The following EYS variants were observed in gnomAD, a reference collection of about 807,000 sequenced individuals.
EYS encodes EGF-like photoreceptor maintenance factor.
EYS carries 250 observed loss-of-function variants against 282.1 expected under a neutral mutation model. The observed-to-expected ratio is 0.89, with a 90% CI of 0.80 to 0.98. EYS has a LOEUF of 0.98. Among genes scored for constraint, EYS ranks in the 50% least tolerant of loss-of-function variants. The probability of loss-of-function intolerance (pLI) is 0.00; values close to 1 mark genes in which losing one functional copy is unlikely to be tolerated. For missense variants in EYS, 4,016 were observed against 3,709.0 expected (o/e 1.08, Z -2.15); for synonymous variants, 1,355 against 1,282.9 (o/e 1.06, Z -1.20).
intron 2 of EYS, among the ~76,000 whole-genome samples, chr6:65,587,248 G>A (rs190390195): frequency 1.3e-4 from 20 of 152,106 alleles, no homozygotes; most frequent in Non-Finnish European, 2.2e-4. Flanking sequence ...GATAGCCGAA[G>A]AGAACTAACA....
Position 64,712,457 on chromosome 6 carries a change from G to T in EYS, c.3444-86212C>A, listed in dbSNP as rs1462471006. On this transcript the variant is annotated intron_variant, in intron 22 of 42. Coordinates refer to ENST00000503581, the MANE Select transcript of EYS (RefSeq NM_001142800.2). ...TAAAGGACGAGGAAGCTGGAGGAAGGAAGTTGGGGGATTATGGAAACTTTA... is the reference window on the plus strand; with the variant it reads ...TAAAGGACGAGGAAGCTGGAGGAAGTAAGTTGGGGGATTATGGAAACTTTA... 6.6e-5 allele frequency among the ~76,000 whole-genome samples: 10 copies of T among 152,190 alleles called. 1 individual carries two copies. Among genetic ancestry groups the T allele is most frequent in the Admixed American group, 6.5e-4 (10 of 15,276 alleles).
At chr6:65,637,755 C>T (rs1161176835) in intron 2 of EYS, among the ~76,000 whole-genome samples, 1 of 152,162 alleles carries the variant, frequency 6.6e-6, no homozygotes, top group Non-Finnish European at 1.5e-5. Context: ...GACACACCAG[C>T]TCCCTGCTGC....
At chr6:64,995,115 A>G (rs910495164) in intron 14 of EYS, among the ~76,000 whole-genome samples, 1 of 152,056 alleles carries the variant, frequency 6.6e-6, no homozygotes, top group Admixed American at 6.6e-5. Context: ...TGGCCCCTGC[A>G]GGAGCTGGAG....
intron 37 of EYS, 142 bp from the exon 38 acceptor site, chr6:63,789,366 A>G (rs1770450849): frequency 1.4e-5 from 11 of 778,722 alleles, no homozygotes; most frequent in Non-Finnish European, 2.0e-5. Context: ...GCATTTAGGT[A>G]TATGTGCAAC....
At chr6:64,648,760 G>A (rs568113429) in intron 22 of EYS, among the ~76,000 whole-genome samples, 8 of 152,150 alleles carry the variant, frequency 5.3e-5, no homozygotes, top group Non-Finnish European at 8.8e-5. Context: ...AATGGATTCT[G>A]GAGGGGGAAA....
intron 36 of EYS, among the ~76,000 whole-genome samples, chr6:63,823,117 C>A (rs1771366968): frequency 6.6e-6 from 1 of 152,092 alleles, no homozygotes; most frequent in South Asian, 2.1e-4. Flanking sequence ...ATTCTTAGAA[C>A]ATTCCTAACT....
chr6:64,145,900 C>T (rs1405299701), intron 31 of EYS, among the ~76,000 whole-genome samples: 1 of 152,122 alleles, frequency 6.6e-6, no homozygotes, highest in Non-Finnish European at 1.5e-5. Context: ...AGCTTCAGGG[C>T]TCCTAATTTA....
chr6:65,242,264 A>C (rs370091480), intron 12 of EYS, among the ~76,000 whole-genome samples: 4 of 152,196 alleles, frequency 2.6e-5, no homozygotes, highest in East Asian at 3.9e-4. Flanking sequence ...TAACCAGGAA[A>C]AGAATCTATT....
At chr6:64,434,509 T>C (rs1008873593) in intron 28 of EYS, among the ~76,000 whole-genome samples, 2 of 152,200 alleles carry the variant, frequency 1.3e-5, no homozygotes, top group African/African-American at 4.8e-5. Context: ...CATTTATAAC[T>C]CTTATCTTTA....
In EYS at chr6:63,882,069, C is replaced by T. The variant is rs138316999; in HGVS notation, c.7056-17711G>A. Among the ~76,000 whole-genome samples the T allele has an allele frequency of 2.0e-3, 305 of 152,296 alleles. 1 individual carries two copies. The highest frequency in any genetic ancestry group is 6.7e-3 in the African/African-American group (280 of 41,558). ...TAGAACTTTTAATTGAAAAAACCTG[C>T]AGCTACTTTCAACCTCTAATATCTA... On this transcript the variant is annotated intron_variant, in intron 35 of 42. Transcript: ENST00000503581.
At chr6:63,750,722 T>C (rs58247688) in intron 41 of EYS, among the ~76,000 whole-genome samples, 12,422 of 152,288 alleles carry the variant, frequency 0.082, 568 homozygotes, top group East Asian at 0.16. Context: ...GGAACAAATG[T>C]GTGTGACAAA....
At chr6:63,755,107 T>C (rs904364908) in intron 41 of EYS, among the ~76,000 whole-genome samples, 37 of 152,304 alleles carry the variant, frequency 2.4e-4, no homozygotes, top group Admixed American at 7.9e-4. Context: ...TTCAGATGGA[T>C]AGATTGACAA....
chr6:65,671,617 G>A (rs954197806), intron 1 of EYS, among the ~76,000 whole-genome samples: 1 of 151,874 alleles, frequency 6.6e-6, no homozygotes, highest in Non-Finnish European at 1.5e-5. Flanking sequence ...CCTCTGAAAG[G>A]GACACCAACT....
chr6:64,841,096 A>G (rs1765551065), intron 19 of EYS, among the ~76,000 whole-genome samples: 1 of 152,152 alleles, frequency 6.6e-6, no homozygotes, highest in South Asian at 2.1e-4. Flanking sequence ...CCAAAGATAC[A>G]TGTTTTATGT....
At chr6:64,838,845 T>C (rs1765472237) in intron 19 of EYS, among the ~76,000 whole-genome samples, 1 of 151,986 alleles carries the variant, frequency 6.6e-6, no homozygotes, top group Non-Finnish European at 1.5e-5. Flanking sequence ...CCTGACTTGG[T>C]TAGTGTTGAC....
chr6:65,624,956 A>C (rs1766644745), intron 2 of EYS, among the ~76,000 whole-genome samples: 1 of 151,454 alleles, frequency 6.6e-6, no homozygotes. Context: ...TCCTTAATAA[A>C]CTCCCCTTTA....
chr6:65,248,087 G>GT, intron 12 of EYS, among the ~76,000 whole-genome samples: 2 of 151,704 alleles, frequency 1.3e-5, no homozygotes, highest in South Asian at 2.1e-4. Flanking sequence ...ATTGTTGTTG[G>GT]TTTTTTTTCC....
chr6:64,689,738 A>G (rs1426678858), intron 22 of EYS, among the ~76,000 whole-genome samples: 1 of 152,178 alleles, frequency 6.6e-6, no homozygotes, highest in Non-Finnish European at 1.5e-5. Context: ...AGGATTCCCT[A>G]TTTAATAAAT....
intron 18 of EYS, among the ~76,000 whole-genome samples, chr6:64,891,336 T>C (rs1380362271): frequency 6.6e-6 from 1 of 152,124 alleles, no homozygotes; most frequent in Non-Finnish European, 1.5e-5. Context: ...TTGTCTCTGC[T>C]TTCCCAGAAA....
Sources: gnomAD v4.1 joint callset for allele counts (sites outside exome capture counted in the v4.1 genomes callset) on GRCh38, gnomAD v4.1.1 for gene constraint, MANE v1.5 for transcripts, NCBI Gene and HGNC (gene_info 2026-07-23, HGNC 2026-07-21) for gene names.